DLG2: variants seen among roughly 807,000 people sequenced by gnomAD.
DLG2 encodes the protein disks large homolog 2.
Under a neutral mutation model 132.5 loss-of-function variants are expected in DLG2, and 45 were observed. The ratio of observed to expected loss-of-function variants is 0.34; its 90% confidence interval spans 0.27 to 0.44. The LOEUF (loss-of-function observed/expected upper bound fraction) is 0.44, where lower values mean the gene tolerates loss of function less well. DLG2 is among the 20% of genes least tolerant of loss of function. The probability of loss-of-function intolerance (pLI) is 1.00; values close to 1 mark genes in which losing one functional copy is unlikely to be tolerated. For synonymous variants in DLG2, 424 were observed against 419.6 expected, an observed-to-expected ratio of 1.01 and a Z score of -0.13; for missense variants, 1,045 against 1,196.9, an observed-to-expected ratio of 0.87 and a Z score of 1.87.
chr11:85,400,789 G>T (rs1315920717), intron 3 of DLG2, among the ~76,000 whole-genome samples: 14 of 151,698 alleles, frequency 9.2e-5, no homozygotes, highest in Admixed American at 6.6e-4. Context: ...TTGTGGGGTG[G>T]GGGGAGAGGG....
At chr11:85,385,158 A>G (rs1396580452) in intron 3 of DLG2, among the ~76,000 whole-genome samples, 1 of 152,184 alleles carries the variant, frequency 6.6e-6, no homozygotes, top group Non-Finnish European at 1.5e-5. Context: ...AAAATTATCT[A>G]CTTTATAGAA....
At chr11:85,324,575 C>A (rs1285533938) in intron 3 of DLG2, among the ~76,000 whole-genome samples, 1 of 152,142 alleles carries the variant, frequency 6.6e-6, no homozygotes, top group Admixed American at 6.5e-5. Flanking sequence ...AAGCTGAAAT[C>A]TAGATTTTTA....
intron 3 of DLG2, among the ~76,000 whole-genome samples, chr11:85,537,400 G>A (rs2075664752): frequency 5.3e-5 from 8 of 152,198 alleles, no homozygotes; most frequent in Admixed American, 4.6e-4. Flanking sequence ...CTTTGGGTCC[G>A]CAAAGCCTTT....
chr11:83,592,732 G>C (rs1225915), intron 19 of DLG2, among the ~76,000 whole-genome samples: 2 of 142,492 alleles, frequency 1.4e-5, no homozygotes, highest in African/African-American at 2.6e-5. Flanking sequence ...GAAAATTTTC[G>C]CAACCTACTC....
At chr11:84,024,417 T>C (rs555064189) in intron 11 of DLG2, among the ~76,000 whole-genome samples, 28 of 152,254 alleles carry the variant, frequency 1.8e-4, no homozygotes, top group African/African-American at 6.0e-4. Context: ...CTTCTGTTTG[T>C]TTACACAAAA....
intron 6 of DLG2, among the ~76,000 whole-genome samples, chr11:84,929,320 AAT>A (rs1243848332): frequency 1.3e-5 from 2 of 151,856 alleles, no homozygotes; most frequent in Admixed American, 1.3e-4. Flanking sequence ...TTTATATATA[AAT>A]ATGTTTCATA....
chr11:84,492,649 G>A lies in DLG2; in HGVS notation c.519+41921C>T, dbSNP rs1333321332. The stretch of plus-strand genomic sequence containing the variant: ...TAGAATAATGAATGTAAAATGCGTA[G>A]TGCAACACCTAGCATATTTAGTAAG... On this transcript the variant is annotated intron_variant, in intron 7 of 27. Coordinates refer to ENST00000376104, the MANE Select transcript of DLG2 (RefSeq NM_001142699.3). Among the ~76,000 whole-genome samples the A allele has an allele frequency of 1.3e-5, 2 of 152,108 alleles. 1 individual carries two copies. The highest frequency in any genetic ancestry group is 1.3e-4 in the Admixed American group (2 of 15,264).
chr11:84,737,471 A>ATC (rs2063990505), intron 6 of DLG2, among the ~76,000 whole-genome samples: 2 of 151,408 alleles, frequency 1.3e-5, no homozygotes, highest in East Asian at 3.9e-4. Flanking sequence ...AAACCAAACT[A>ATC]TCTAGGTCAA....
chr11:85,257,051 TGAAA>T (rs1213083629), intron 4 of DLG2, among the ~76,000 whole-genome samples: 4 of 151,570 alleles, frequency 2.6e-5, no homozygotes, highest in Non-Finnish European at 4.4e-5. Context: ...ATGTAGAAAA[TGAAA>T]GAAAGAAAAA....
chr11:84,621,411 G>A (rs966689686), intron 6 of DLG2, among the ~76,000 whole-genome samples: 6 of 152,104 alleles, frequency 3.9e-5, no homozygotes, highest in African/African-American at 1.4e-4. Context: ...CACTAGCTGT[G>A]AGTATGGAGA....
At chr11:85,208,254 A>G (rs888313769) in intron 4 of DLG2, among the ~76,000 whole-genome samples, 1 of 152,308 alleles carries the variant, frequency 6.6e-6, no homozygotes, top group Non-Finnish European at 1.5e-5. Flanking sequence ...AATATTTTCC[A>G]TGTATCATAC....
At chr11:83,834,169 A>C (rs1053485621) in intron 16 of DLG2, among the ~76,000 whole-genome samples, 2 of 152,220 alleles carry the variant, frequency 1.3e-5, no homozygotes, top group Non-Finnish European at 2.9e-5. Context: ...AGATCTTACA[A>C]GCCAGGTTGT....
chr11:84,298,950 A>T (rs2098123262), intron 7 of DLG2, among the ~76,000 whole-genome samples: 5 of 152,218 alleles, frequency 3.3e-5, no homozygotes, highest in Admixed American at 3.3e-4. Flanking sequence ...TTTGCTAGGG[A>T]ATCCAGTTTT....
chr11:83,962,797 C>T, intron 14 of DLG2, 88 bp downstream of exon 14: 2 of 1,502,302 alleles, frequency 1.3e-6, no homozygotes, highest in South Asian at 2.5e-5. Flanking sequence ...CTTTAGTTAG[C>T]ATCCAAAACA....
At chr11:84,898,590 T>C (rs1339661953) in intron 6 of DLG2, among the ~76,000 whole-genome samples, 2 of 151,954 alleles carry the variant, frequency 1.3e-5, no homozygotes, top group Admixed American at 6.6e-5. Context: ...ACTATCCCAC[T>C]TAATATTTCT....
At chr11:85,068,019 CCCAGCATATAAACAGAA>C (rs1416764723) in intron 6 of DLG2, among the ~76,000 whole-genome samples, 4 of 151,782 alleles carry the variant, frequency 2.6e-5, no homozygotes, top group African/African-American at 9.7e-5. Context: ...ATAAACGTAA[CCCAGCATATAAACAGAA>C]CCAAAGACAA....
chr11:83,532,767 G>A lies in DLG2; in HGVS notation c.2134C>T (p.Arg712Cys), dbSNP rs1024877961. Residue 712 changes from arginine (R) to cysteine (C), a missense_variant, in exon 21 of 28, where the codon CGT becomes TGT. Transcript: ENST00000376104. ...PSKRRVERKERARLKTVKFNA... is the reference protein window; with the variant it reads ...PSKRRVERKECARLKTVKFNA... Reference sequence around the variant, plus strand: ...AACTTCACTGTCTTCAATCGGGCACGTTCCTTTCTTTCCACCCTAAAGCAA... The same window carrying A: ...AACTTCACTGTCTTCAATCGGGCACATTCCTTTCTTTCCACCCTAAAGCAA... 4 of 1,612,144 alleles carry A rather than the reference G, an allele frequency of 2.5e-6. No homozygotes were observed. The highest frequency in any genetic ancestry group is 2.2e-5 in the East Asian group (1 of 44,798).
intron 5 of DLG2, among the ~76,000 whole-genome samples, chr11:85,146,990 G>A (rs1426099949): frequency 6.6e-6 from 1 of 152,174 alleles, no homozygotes; most frequent in East Asian, 1.9e-4. Flanking sequence ...GTTGTATTCT[G>A]CTGTGAGAGG....
At chr11:85,502,447 T>G (rs545635752) in intron 3 of DLG2, among the ~76,000 whole-genome samples, 2 of 151,384 alleles carry the variant, frequency 1.3e-5, no homozygotes, top group East Asian at 3.9e-4. Flanking sequence ...GTGGCACATA[T>G]ATACCATGGA....
Sources: gnomAD v4.1 joint callset for allele counts (sites outside exome capture counted in the v4.1 genomes callset) on GRCh38, gnomAD v4.1.1 for gene constraint, MANE v1.5 for transcripts, NCBI Gene and HGNC (gene_info 2026-07-23, HGNC 2026-07-21) for gene names.